The following FAM78B variants were observed in gnomAD, a reference collection of about 807,000 sequenced individuals.
FAM78B encodes the protein family with sequence similarity 78 member B.
Under a neutral mutation model 20.0 loss-of-function variants are expected in FAM78B, and 10 were observed. That is an observed-to-expected ratio of 0.50 (90% CI 0.31 to 0.85). FAM78B has a LOEUF of 0.85. Ranked by LOEUF, FAM78B falls within the 40% of genes least tolerant of loss-of-function variation. FAM78B has a pLI of 0.05. For synonymous variants in FAM78B, 135 were observed against 132.8 expected (o/e 1.02, Z -0.12); for missense variants, 283 against 345.0 (o/e 0.82, Z 1.42).
At chr1:166,084,549 A>G (rs1652728989) in intron 1 of FAM78B, among the ~76,000 whole-genome samples, 1 of 152,202 alleles carries the variant, frequency 6.6e-6, no homozygotes, top group African/African-American at 2.4e-5. Context: ...ATGGTTTCAG[A>G]AAAGAGAAAT....
chr1:166,128,635 C>T (rs561897292), intron 1 of FAM78B, among the ~76,000 whole-genome samples: 1 of 152,308 alleles, frequency 6.6e-6, no homozygotes, highest in South Asian at 2.1e-4. Flanking sequence ...GATACCACTG[C>T]TAACATTCAC....
rs374038216 is a variant in FAM78B at position 166,166,265 on chromosome 1, G to A, written c.-17C>T. 5.9e-6 allele frequency: 8 copies of A among 1,366,186 alleles called. No individual in the cohort carries two copies. Among genetic ancestry groups the A allele is most frequent in the Non-Finnish European group, 7.6e-6 (8 of 1,054,302 alleles). The allele number at this position is 1,366,186 out of a possible 1,614,324, so 84.6% of individuals were successfully genotyped here. A position where few individuals can be genotyped will look rare whatever the true frequency, so the allele number is the denominator to read the frequency against. ...ACAGCCCATCCTGCAGCCCGGTGCC[G>A]GCACGGCGCGGCGTGGGGCAGCGCG... On this transcript the variant is annotated 5_prime_UTR_variant, in exon 1 of 2. Coordinates refer to ENST00000354422, the MANE Select transcript of FAM78B (RefSeq NM_001017961.5).
At chr1:166,107,239 T>G (rs1197886305) in intron 1 of FAM78B, among the ~76,000 whole-genome samples, 1 of 152,034 alleles carries the variant, frequency 6.6e-6, no homozygotes, top group Non-Finnish European at 1.5e-5. Context: ...ATAAATAAAA[T>G]TGATAGACCA....
chr1:166,071,500 T>G (rs1210438628), intron 1 of FAM78B, among the ~76,000 whole-genome samples: 6 of 152,208 alleles, frequency 3.9e-5, no homozygotes, highest in Non-Finnish European at 7.3e-5. Flanking sequence ...CTACTCCTCC[T>G]GGCTGTCTCT....
chr1:166,064,898 T>TG (rs1004359096), downstream of FAM78B, among the ~76,000 whole-genome samples: 2 of 152,216 alleles, frequency 1.3e-5, no homozygotes, highest in African/African-American at 4.8e-5. Flanking sequence ...AAAAGTTAAA[T>TG]GATTTGTTCA....
intron 1 of FAM78B, among the ~76,000 whole-genome samples, chr1:166,137,922 G>A (rs1282876430): frequency 6.6e-6 from 1 of 152,194 alleles, no homozygotes; most frequent in East Asian, 1.9e-4. Flanking sequence ...AACAGACCCT[G>A]GTCCCCCTGT....
intron 1 of FAM78B, among the ~76,000 whole-genome samples, chr1:166,152,738 C>T (rs1018196881): frequency 2.6e-5 from 4 of 151,748 alleles, no homozygotes; most frequent in Admixed American, 6.6e-5. Flanking sequence ...AGTGCAGTGG[C>T]GTGATCTCTG....
chr1:166,124,876 C>T (rs1249998588), intron 1 of FAM78B, among the ~76,000 whole-genome samples: 3 of 152,208 alleles, frequency 2.0e-5, no homozygotes, highest in Non-Finnish European at 4.4e-5. Context: ...CCCAGGTTGG[C>T]TGCATCCTGG....
Position 166,112,629 on chromosome 1 carries a change from G to A in FAM78B, c.264-41866C>T, listed in dbSNP as rs1056557203. Among the ~76,000 whole-genome samples, 11 of 152,254 alleles carry A rather than the reference G, an allele frequency of 7.2e-5. 1 individual carries two copies. Among genetic ancestry groups the A allele is most frequent in the Non-Finnish European group, 1.5e-4 (10 of 68,022 alleles). ...GAGGAGCCTTATTATTCAAGGAGTG[G>A]CTAGAATATGCTGGTGCTCCATCAC... On this transcript the variant is annotated intron_variant, in intron 1 of 1. Coordinates refer to ENST00000354422, the MANE Select transcript of FAM78B (RefSeq NM_001017961.5).
intron 1 of FAM78B, among the ~76,000 whole-genome samples, chr1:166,121,201 G>T (rs894838704): frequency 6.6e-6 from 1 of 152,206 alleles, no homozygotes; most frequent in African/African-American, 2.4e-5. Context: ...ACACATCGGT[G>T]TGGACACCAT....
At chr1:166,093,906 T>G (rs559315906) in intron 1 of FAM78B, among the ~76,000 whole-genome samples, 38 of 151,988 alleles carry the variant, frequency 2.5e-4, no homozygotes, top group African/African-American at 9.2e-4. Flanking sequence ...GCAGAGGGAC[T>G]TGCATAGGCC....
intron 1 of FAM78B, among the ~76,000 whole-genome samples, chr1:166,150,946 T>C (rs1307392414): frequency 6.6e-6 from 1 of 152,008 alleles, no homozygotes; most frequent in Admixed American, 6.5e-5. Context: ...TAAAAAAAAT[T>C]AAAATATATA....
intron 1 of FAM78B, among the ~76,000 whole-genome samples, chr1:166,116,068 C>A (rs190891345): frequency 3.0e-4 from 45 of 152,342 alleles, no homozygotes; most frequent in Admixed American, 2.2e-3. Flanking sequence ...CCTCTCCTTG[C>A]ACCCAGCAAA....
At chr1:166,134,070 A>T (rs1477212317) in intron 1 of FAM78B, among the ~76,000 whole-genome samples, 1 of 152,128 alleles carries the variant, frequency 6.6e-6, no homozygotes, top group Non-Finnish European at 1.5e-5. Context: ...AGAGAAAAGA[A>T]AGTTTGGGGG....
At chr1:166,101,710 G>A (rs1653525879) in intron 1 of FAM78B, among the ~76,000 whole-genome samples, 1 of 152,146 alleles carries the variant, frequency 6.6e-6, no homozygotes, top group Admixed American at 6.6e-5. Context: ...GGGACTATGT[G>A]AAAAGACCAA....
At chr1:166,149,079 A>C (rs899624092) in intron 1 of FAM78B, among the ~76,000 whole-genome samples, 1 of 151,958 alleles carries the variant, frequency 6.6e-6, no homozygotes, top group Admixed American at 6.6e-5. Flanking sequence ...AGTCTTTGCT[A>C]TTGTGAATAA....
intron 1 of FAM78B, among the ~76,000 whole-genome samples, chr1:166,141,383 T>G (rs1289570241): frequency 6.6e-6 from 1 of 152,226 alleles, no homozygotes; most frequent in East Asian, 1.9e-4. Context: ...AAGATATTCC[T>G]CTCCCTGAAC....
chr1:166,072,123 C>G (rs1652072968), intron 1 of FAM78B, among the ~76,000 whole-genome samples: 1 of 152,184 alleles, frequency 6.6e-6, no homozygotes, highest in South Asian at 2.1e-4. Context: ...GACAGAAGAT[C>G]CTGCAGGGTT....
chr1:166,077,248 A>C (rs1238191531), intron 1 of FAM78B, among the ~76,000 whole-genome samples: 1 of 152,232 alleles, frequency 6.6e-6, no homozygotes, highest in African/African-American at 2.4e-5. Flanking sequence ...GGCTGAAAGC[A>C]GCATTCTGGA....
Sources: gnomAD v4.1 joint callset for allele counts (sites outside exome capture counted in the v4.1 genomes callset) on GRCh38, gnomAD v4.1.1 for gene constraint, MANE v1.5 for transcripts, NCBI Gene and HGNC (gene_info 2026-07-23, HGNC 2026-07-21) for gene names.